The following CNBD1 variants were observed in gnomAD, a reference collection of about 807,000 sequenced individuals.
The protein encoded by CNBD1 is cyclic nucleotide-binding domain-containing protein 1.
Under a neutral mutation model 54.4 loss-of-function variants are expected in CNBD1, and 71 were observed. The observed-to-expected ratio is 1.30, with a 90% CI of 1.08 to 1.59. The LOEUF (loss-of-function observed/expected upper bound fraction) is 1.59. Among genes scored for constraint, CNBD1 ranks in the 40% most tolerant of loss-of-function variants. CNBD1 has a pLI of 0.00. For missense variants in CNBD1, 659 were observed against 518.0 expected (o/e 1.27, Z -2.64); for synonymous variants, 182 against 170.7 (o/e 1.07, Z -0.51).
intron 5 of CNBD1, among the ~76,000 whole-genome samples, chr8:87,228,815 C>A (rs1229108601): frequency 6.6e-6 from 1 of 152,194 alleles, no homozygotes; most frequent in Admixed American, 6.5e-5. Flanking sequence ...CAAGCCTGGG[C>A]AATGGCGGGC....
intron 1 of CNBD1, among the ~76,000 whole-genome samples, chr8:86,884,676 C>T (rs1281511155): frequency 6.6e-6 from 1 of 152,166 alleles, no homozygotes; most frequent in Non-Finnish European, 1.5e-5. Context: ...CATCCAGCTT[C>T]TTGTTCAGTA....
chr8:87,321,576 A>T (rs545198524), intron 8 of CNBD1, among the ~76,000 whole-genome samples: 2 of 152,112 alleles, frequency 1.3e-5, no homozygotes, highest in African/African-American at 4.8e-5. Context: ...TGTTCCTTAT[A>T]TATTTTGAAT....
At chr8:86,975,576 GCAT>G (rs1563844142) in intron 4 of CNBD1, among the ~76,000 whole-genome samples, 1 of 151,796 alleles carries the variant, frequency 6.6e-6, no homozygotes, top group East Asian at 1.9e-4. Flanking sequence ...TTTTTTTAAG[GCAT>G]AATAGTGTTC....
chr8:87,143,059 C>T (rs1812403916), intron 4 of CNBD1, among the ~76,000 whole-genome samples: 1 of 152,082 alleles, frequency 6.6e-6, no homozygotes, highest in African/African-American at 2.4e-5. Context: ...CGTTTAATTA[C>T]TTGGGTACCT....
At chr8:87,242,388 C>T (rs943716849) in intron 6 of CNBD1, among the ~76,000 whole-genome samples, 1 of 152,272 alleles carries the variant, frequency 6.6e-6, no homozygotes, top group East Asian at 1.9e-4. Flanking sequence ...AAGCCTGCTA[C>T]CTGGAGGCTT....
chr8:86,896,153 T>G (rs1009685275), intron 2 of CNBD1, among the ~76,000 whole-genome samples: 3 of 152,080 alleles, frequency 2.0e-5, no homozygotes, highest in Admixed American at 6.6e-5. Context: ...GGACCCCAAA[T>G]AGTAAAAACA....
intron 2 of CNBD1, 73 bp from the exon 3 acceptor site, chr8:86,905,008 T>G (rs10504828): frequency 0.52 from 402,523 of 775,660 alleles, 106,538 homozygotes; most frequent in South Asian, 0.6. Context: ...ACGTATATAT[T>G]GAGTTAAAAA....
At chr8:87,328,615 G>A (rs748484415) in intron 8 of CNBD1, among the ~76,000 whole-genome samples, 1 of 151,580 alleles carries the variant, frequency 6.6e-6, no homozygotes, top group Non-Finnish European at 1.5e-5. Context: ...ATCAATTTTA[G>A]GATTATTTTG....
intron 8 of CNBD1, among the ~76,000 whole-genome samples, chr8:87,295,296 T>G (rs1162323990): frequency 6.6e-6 from 1 of 151,908 alleles, no homozygotes; most frequent in Non-Finnish European, 1.5e-5. Context: ...ATAGAATACT[T>G]CAAACATACT....
chr8:86,990,013 A>T (rs1308689065), intron 4 of CNBD1, among the ~76,000 whole-genome samples: 1 of 152,194 alleles, frequency 6.6e-6, no homozygotes, highest in African/African-American at 2.4e-5. Flanking sequence ...ATAAATGTCT[A>T]ATCCGATCTT....
At chr8:87,301,737 C>A (rs911816018) in intron 8 of CNBD1, among the ~76,000 whole-genome samples, 5 of 151,878 alleles carry the variant, frequency 3.3e-5, no homozygotes, top group Non-Finnish European at 4.4e-5. Flanking sequence ...AAGTGATAGA[C>A]CACTAGCAAG....
rs189920547 is a variant in CNBD1 at position 87,282,811 on chromosome 8, A to T, written c.772-1867A>T. On this transcript the variant is annotated intron_variant, in intron 6 of 10. Coordinates refer to ENST00000518476, the MANE Select transcript of CNBD1 (RefSeq NM_173538.3). ...GATAAATTGAAAAAATTAAATGGAC[A>T]ATATCTGCTTGAAATTATTGCTAGC... Among the ~76,000 whole-genome samples the T allele has an allele frequency of 2.0e-5, 3 of 152,150 alleles. No homozygotes were observed. In the East Asian group the frequency reaches 5.8e-4, roughly 29 times the overall value.
In CNBD1 at chr8:87,076,426, A is replaced by C. The variant is rs566405575; in HGVS notation, c.432-129567A>C. 2.0e-5 allele frequency among the ~76,000 whole-genome samples: 3 copies of C among 152,250 alleles called. No homozygotes were observed. The South Asian group carries it at 6.2e-4, about 32-fold the overall frequency. On this transcript the variant is annotated intron_variant, in intron 4 of 10. Coordinates refer to ENST00000518476, the MANE Select transcript of CNBD1 (RefSeq NM_173538.3). ...TATTTAGGTCTCCTAATTGCAATAA[A>C]ATATTAAATAGTGTAATGGAACTTT... is the stretch of plus-strand genomic sequence containing the variant.
chr8:87,342,300 C>T (rs1023527103), intron 8 of CNBD1, among the ~76,000 whole-genome samples: 6 of 151,154 alleles, frequency 4.0e-5, no homozygotes, highest in Admixed American at 2.6e-4. Context: ...AAAGAAAACT[C>T]ATCTGTGTAC....
intron 2 of CNBD1, among the ~76,000 whole-genome samples, chr8:87,413,946 T>C (rs1807795012): frequency 6.6e-6 from 1 of 151,746 alleles, no homozygotes; most frequent in East Asian, 1.9e-4. Flanking sequence ...AGTTCAACCA[T>C]TGTGGAAGTC....
At position 87,328,304 on chromosome 8, in the gene CNBD1, G is replaced by A. The variant is rs549286210; in HGVS notation, c.1043-23381G>A. 3.1e-4 allele frequency among the ~76,000 whole-genome samples: 46 copies of A among 150,094 alleles called. 1 individual carries two copies. The South Asian group carries it at 8.7e-3, about 28-fold the overall frequency. On this transcript the variant is annotated intron_variant, in intron 8 of 10. Coordinates refer to ENST00000518476, the MANE Select transcript of CNBD1 (RefSeq NM_173538.3). ...GACAACATATGTGTGAATTTTTCTG[G>A]GCTTTTTATTATGTTTAGTCTTTTA...
Position 87,268,068 on chromosome 8 carries a change from A to C in CNBD1, c.772-16610A>C, listed in dbSNP as rs572123405. On this transcript the variant is annotated intron_variant, in intron 6 of 10. Coordinates refer to ENST00000518476, the MANE Select transcript of CNBD1 (RefSeq NM_173538.3). ...TGGTCCCATCACCCAGGTAGTGAGC[A>C]CAGTACACAACAGGTAGCCTTCCAA... is the stretch of plus-strand genomic sequence containing the variant. 1.1e-3 allele frequency among the ~76,000 whole-genome samples: 165 copies of C among 152,222 alleles called. 10 individuals carry two copies. In the South Asian group the frequency reaches 0.023, roughly 21 times the overall value.
intron 8 of CNBD1, among the ~76,000 whole-genome samples, chr8:87,321,241 G>C (rs956812050): frequency 2.0e-5 from 3 of 149,130 alleles, no homozygotes; most frequent in African/African-American, 7.4e-5. Context: ...TTAATTTTTT[G>C]AAGAATCTTC....
chr8:87,236,577 A>G (rs1316795170), intron 5 of CNBD1, among the ~76,000 whole-genome samples: 1 of 151,926 alleles, frequency 6.6e-6, no homozygotes, highest in Non-Finnish European at 1.5e-5. Context: ...ACATTAAAAA[A>G]CATTCAAGGG....
Sources: allele counts gnomAD v4.1 joint callset (sites outside exome capture counted in the v4.1 genomes callset), GRCh38; gene constraint gnomAD v4.1.1; transcripts MANE v1.5; gene names NCBI Gene and HGNC (gene_info 2026-07-23, HGNC 2026-07-21).